The following ATRN variants were observed in gnomAD, a reference collection of about 807,000 sequenced individuals.
The protein encoded by ATRN is attractin.
ATRN carries 54 observed loss-of-function variants against 178.7 expected under a neutral mutation model. That is an observed-to-expected ratio of 0.30 (90% CI 0.24 to 0.38). The LOEUF is 0.38. Ranked by LOEUF, ATRN falls within the 10% of genes least tolerant of loss-of-function variation. The pLI is 1.00. For missense variants in ATRN, 1,443 were observed against 1,815.1 expected, an observed-to-expected ratio of 0.79 and a Z score of 3.73; for synonymous variants, 636 against 663.0, an observed-to-expected ratio of 0.96 and a Z score of 0.63.
intron 27 of ATRN, among the ~76,000 whole-genome samples, chr20:3,643,743 T>C (rs1010230907): frequency 3.3e-5 from 5 of 152,246 alleles, no homozygotes; most frequent in African/African-American, 1.2e-4. Flanking sequence ...GTCTCCATGA[T>C]ATCTGCATCT....
intron 15 of ATRN, among the ~76,000 whole-genome samples, chr20:3,581,601 T>C (rs994296169): frequency 2.6e-5 from 4 of 151,848 alleles, no homozygotes; most frequent in Non-Finnish European, 5.9e-5. Context: ...CAAAATGCTC[T>C]AGTGAACATT....
At chr20:3,569,464 C>G (rs1371723323) in intron 11 of ATRN, among the ~76,000 whole-genome samples, 1 of 152,132 alleles carries the variant, frequency 6.6e-6, no homozygotes, top group Non-Finnish European at 1.5e-5. Flanking sequence ...TACACCTGTA[C>G]AGGCCACTTA....
chr20:3,513,323 A>C (rs1213868025), intron 1 of ATRN, among the ~76,000 whole-genome samples: 1 of 152,234 alleles, frequency 6.6e-6, no homozygotes, highest in African/African-American at 2.4e-5. Flanking sequence ...AGCTTTCTAC[A>C]TATGGCTAGC....
At chr20:3,553,339 A>G (rs140900819) in intron 6 of ATRN, among the ~76,000 whole-genome samples, 2 of 152,308 alleles carry the variant, frequency 1.3e-5, no homozygotes, top group East Asian at 3.9e-4. Context: ...TCTTCGTACC[A>G]TAATTTCATA....
At chr20:3,487,635 C>T (rs1238159009) in intron 1 of ATRN, among the ~76,000 whole-genome samples, 1 of 152,146 alleles carries the variant, frequency 6.6e-6, no homozygotes, top group Non-Finnish European at 1.5e-5. Flanking sequence ...TTCAGTGAGA[C>T]TTTATCAATG....
intron 1 of ATRN, among the ~76,000 whole-genome samples, chr20:3,512,105 A>ATTTTT (rs1379656862): frequency 1.8e-5 from 2 of 113,418 alleles, no homozygotes; most frequent in African/African-American, 4.2e-5. Context: ...ATATATATAT[A>ATTTTT]TATTTTTTTT....
chr20:3,556,410 G>C (rs190014840), intron 6 of ATRN, among the ~76,000 whole-genome samples: 1 of 152,312 alleles, frequency 6.6e-6, no homozygotes, highest in East Asian at 1.9e-4. Context: ...GTAGTTCTGT[G>C]CTATCTGCTG....
intron 24 of ATRN, among the ~76,000 whole-genome samples, chr20:3,621,635 A>G (rs2086897819): frequency 6.6e-6 from 1 of 152,168 alleles, no homozygotes; most frequent in South Asian, 2.1e-4. Flanking sequence ...CTTTGTATTA[A>G]AATAGATTTT....
intron 25 of ATRN, chr20:3,628,808 C>T (rs1264540260): frequency 7.3e-6 from 6 of 821,114 alleles, no homozygotes; most frequent in South Asian, 5.6e-5. Context: ...CTCTTCCAGC[C>T]GTCTCTGACC....
intron 27 of ATRN, among the ~76,000 whole-genome samples, chr20:3,643,435 G>A (rs1422243780): frequency 6.6e-6 from 1 of 152,098 alleles, no homozygotes; most frequent in Admixed American, 6.5e-5. Context: ...GGAGGCTGAG[G>A]TGGGAGGATC....
chr20:3,639,620 T>C (rs1216276067), intron 27 of ATRN, among the ~76,000 whole-genome samples: 1 of 152,144 alleles, frequency 6.6e-6, no homozygotes, highest in Non-Finnish European at 1.5e-5. Flanking sequence ...ATTAATACTC[T>C]GTGGAAAATA....
chr20:3,594,332 A>G (rs2086493394), intron 19 of ATRN, 147 bp from the exon 20 acceptor site: 1 of 536,594 alleles, frequency 1.9e-6, no homozygotes. Flanking sequence ...CTGAAAAATC[A>G]TGAATCTTAC....
At chr20:3,599,465 G>A (rs559595437) in intron 22 of ATRN, among the ~76,000 whole-genome samples, 3 of 152,252 alleles carry the variant, frequency 2.0e-5, no homozygotes, top group African/African-American at 7.2e-5. Flanking sequence ...TTATCCAAAT[G>A]CATATGTTCT....
intron 6 of ATRN, among the ~76,000 whole-genome samples, chr20:3,554,879 A>T (rs558135611): frequency 1.5e-4 from 23 of 151,042 alleles, no homozygotes; most frequent in African/African-American, 4.9e-4. Context: ...TTTTAAGTTT[A>T]AAAAAAAATA....
chr20:3,590,581 G>A (rs2086427537), intron 18 of ATRN, among the ~76,000 whole-genome samples: 1 of 152,120 alleles, frequency 6.6e-6, no homozygotes, highest in South Asian at 2.1e-4. Context: ...CGTAAAGATG[G>A]TTATTTTTCT....
At chr20:3,614,824 G>A (rs539561707) in intron 24 of ATRN, among the ~76,000 whole-genome samples, 1 of 152,108 alleles carries the variant, frequency 6.6e-6, no homozygotes, top group South Asian at 2.1e-4. Flanking sequence ...CCCCCAGTCT[G>A]TATTTCCTGT....
chr20:3,584,990 C>A, intron 18 of ATRN, 110 bp downstream of exon 18: 1 of 1,032,790 alleles, frequency 9.7e-7, no homozygotes, highest in Non-Finnish European at 1.4e-6. Context: ...AGCCCCTTTC[C>A]TTCCTCCTAA....
chr20:3,628,848 G>A (rs1487161294), intron 25 of ATRN: 4 of 976,128 alleles, frequency 4.1e-6, no homozygotes, highest in Middle Eastern at 1.0e-3. Flanking sequence ...TTCTTAGCCT[G>A]CCTATTATGC....
At chr20:3,516,049 A>G (rs2085202171) in intron 1 of ATRN, among the ~76,000 whole-genome samples, 1 of 152,258 alleles carries the variant, frequency 6.6e-6, no homozygotes, top group Non-Finnish European at 1.5e-5. Context: ...AGAACAGGCA[A>G]AAATCCATGC....
Sources: gnomAD v4.1 joint callset for allele counts (sites outside exome capture counted in the v4.1 genomes callset) on GRCh38, gnomAD v4.1.1 for gene constraint, MANE v1.5 for transcripts, NCBI Gene and HGNC (gene_info 2026-07-23, HGNC 2026-07-21) for gene names.